SPIDR: variants seen among roughly 807,000 people sequenced by gnomAD.
SPIDR encodes DNA repair-scaffolding protein.
In SPIDR, 93 loss-of-function variants were observed where a neutral mutation model predicts 104.6. The observed-to-expected ratio is 0.89, with a 90% CI of 0.75 to 1.06. SPIDR has a LOEUF of 1.06. Ranked by LOEUF, SPIDR falls within the 50% of genes least tolerant of loss-of-function variation. SPIDR has a pLI of 0.00. For synonymous variants in SPIDR, 431 were observed against 416.9 expected, an observed-to-expected ratio of 1.03 and a Z score of -0.41; for missense variants, 1,154 against 1,111.2, an observed-to-expected ratio of 1.04 and a Z score of -0.55.
chr8:47,480,874 A>G (rs2076829631), intron 8 of SPIDR, among the ~76,000 whole-genome samples: 1 of 152,240 alleles, frequency 6.6e-6, no homozygotes, highest in South Asian at 2.1e-4. Context: ...TTGTCATTGT[A>G]CAAACTTCAG....
chr8:47,660,581 G>A lies in SPIDR; in HGVS notation c.1545-13220G>A, dbSNP rs1451564002. On this transcript the variant is annotated intron_variant, in intron 10 of 19. Transcript: ENST00000297423. ...ACTGCTGCCTTGTTTTCCCAGTTGAGAGGGGTGAAGTGTGGGTGGCTAGGG... is the reference window on the plus strand; with the variant it reads ...ACTGCTGCCTTGTTTTCCCAGTTGAAAGGGGTGAAGTGTGGGTGGCTAGGG... The A allele has an allele frequency of 4.2e-6, 4 of 947,668 alleles. No individual in the cohort carries two copies. The Admixed American group carries it at 1.8e-4, about 44-fold the overall frequency. 58.7% of individuals were successfully genotyped at this position (947,668 alleles called of 1,614,324 possible).
chr8:47,320,723 G>C (rs187905367), intron 5 of SPIDR, among the ~76,000 whole-genome samples: 274 of 152,254 alleles, frequency 1.8e-3, no homozygotes, highest in African/African-American at 6.2e-3. Context: ...ACCAAATCCA[G>C]CATCACATGG....
intron 7 of SPIDR, among the ~76,000 whole-genome samples, chr8:47,437,643 C>A (rs2068609244): frequency 6.6e-6 from 1 of 152,008 alleles, no homozygotes; most frequent in African/African-American, 2.4e-5. Flanking sequence ...AAAAAATGCT[C>A]ATCATCACTG....
At chr8:47,729,163 G>T in intron 18 of SPIDR, 116 bp downstream of exon 18, 11 of 1,533,720 alleles carry the variant, frequency 7.2e-6, no homozygotes, top group Non-Finnish European at 7.0e-6. Context: ...GCTGGGACTC[G>T]GCTGGGATGG....
intron 7 of SPIDR, among the ~76,000 whole-genome samples, chr8:47,412,591 C>G (rs1554672582): frequency 6.6e-6 from 1 of 152,198 alleles, no homozygotes; most frequent in African/African-American, 2.4e-5. Flanking sequence ...ACATGGGCTA[C>G]AGTCAGTAAC....
At chr8:47,698,017 A>G (rs1272237205) in intron 11 of SPIDR, 2 of 152,198 alleles carry the variant, frequency 1.3e-5, no homozygotes, top group Admixed American at 6.5e-5. Flanking sequence ...ATTTGTCTGC[A>G]GGCTCATTTT....
intron 5 of SPIDR, among the ~76,000 whole-genome samples, chr8:47,384,154 T>C (rs1588001714): frequency 1.3e-5 from 2 of 152,306 alleles, no homozygotes; most frequent in East Asian, 3.9e-4. Flanking sequence ...ATGTATTGGT[T>C]TGTTGAATTA....
intron 5 of SPIDR, among the ~76,000 whole-genome samples, chr8:47,314,680 C>T (rs902461248): frequency 4.6e-5 from 7 of 152,164 alleles, no homozygotes; most frequent in Non-Finnish European, 8.8e-5. Flanking sequence ...CCTTCCACGA[C>T]GTGTGAGGAT....
At chr8:47,420,214 G>T (rs1208471685) in intron 7 of SPIDR, among the ~76,000 whole-genome samples, 4 of 152,234 alleles carry the variant, frequency 2.6e-5, no homozygotes, top group Middle Eastern at 3.4e-3. Context: ...TGACAGTGGG[G>T]TTTTAAAGCC....
chr8:47,515,122 T>C (rs901584389), intron 8 of SPIDR, among the ~76,000 whole-genome samples: 1 of 152,186 alleles, frequency 6.6e-6, no homozygotes, highest in Admixed American at 6.5e-5. Context: ...CTGTGGAGGC[T>C]TAACCTCCAC....
At chr8:47,470,015 C>A (rs1187499045) in intron 8 of SPIDR, among the ~76,000 whole-genome samples, 3 of 152,178 alleles carry the variant, frequency 2.0e-5, no homozygotes, top group African/African-American at 7.2e-5. Context: ...AGTGCAATCC[C>A]TATCAAAATT....
intron 8 of SPIDR, among the ~76,000 whole-genome samples, chr8:47,545,027 T>C (rs1463742067): frequency 1.3e-5 from 2 of 152,074 alleles, no homozygotes; most frequent in Non-Finnish European, 2.9e-5. Context: ...ATACAGCTCT[T>C]ACAGGTATTT....
At chr8:47,393,740 T>TCCTTTCCTTTCCTTTCCTTC (rs2060907238) in intron 5 of SPIDR, among the ~76,000 whole-genome samples, 1 of 143,228 alleles carries the variant, frequency 7.0e-6, no homozygotes, top group African/African-American at 2.6e-5. Context: ...TTCCTTCCTT[T>TCCTTTCCTTTCCTTTCCTTC]CATTCTTTCG....
rs886403843 is a variant in SPIDR at position 47,588,929 on chromosome 8, A to G, written c.1098-6882A>G. Among the ~76,000 whole-genome samples, 3 of 152,096 alleles carry G rather than the reference A, an allele frequency of 2.0e-5. No individual in the cohort carries two copies. In the East Asian group the frequency reaches 5.8e-4, roughly 29 times the overall value. On this transcript the variant is annotated intron_variant, in intron 8 of 19. Coordinates refer to ENST00000297423, the MANE Select transcript of SPIDR (RefSeq NM_001080394.4). ...AATTAACACCACTTGGTCATATTGC[A>G]TAACTTCTTTTATACATTGCTAAAT...
chr8:47,731,907 C>T (rs896571760), intron 19 of SPIDR, among the ~76,000 whole-genome samples: 32 of 152,300 alleles, frequency 2.1e-4, no homozygotes, highest in African/African-American at 6.7e-4. Flanking sequence ...GCATTAGAAA[C>T]GCCCCTGTTT....
At chr8:47,685,119 G>A (rs565746142) in intron 11 of SPIDR, among the ~76,000 whole-genome samples, 16 of 152,132 alleles carry the variant, frequency 1.1e-4, no homozygotes, top group Non-Finnish European at 1.8e-4. Flanking sequence ...GGCTGAGGCC[G>A]GAGAATCGCT....
intron 1 of SPIDR, among the ~76,000 whole-genome samples, chr8:47,269,488 C>G (rs2154213203): frequency 6.6e-6 from 1 of 151,394 alleles, no homozygotes; most frequent in South Asian, 2.1e-4. Flanking sequence ...GAACTCCTGA[C>G]CTCATGATCC....
At chr8:47,327,915 C>T (rs1287514613) in intron 5 of SPIDR, among the ~76,000 whole-genome samples, 1 of 151,638 alleles carries the variant, frequency 6.6e-6, no homozygotes, top group Non-Finnish European at 1.5e-5. Context: ...TCAGGCTTGT[C>T]TTGAACCCCT....
intron 10 of SPIDR, chr8:47,659,742 A>G: frequency 1.0e-6 from 1 of 983,892 alleles, no homozygotes; most frequent in South Asian, 4.7e-5. Flanking sequence ...CTCTCTTCTT[A>G]TCACTTCATC....
Sources: gnomAD v4.1 joint callset for allele counts (sites outside exome capture counted in the v4.1 genomes callset) on GRCh38, gnomAD v4.1.1 for gene constraint, MANE v1.5 for transcripts, NCBI Gene and HGNC (gene_info 2026-07-23, HGNC 2026-07-21) for gene names.